Variants in GLRA3 observed in about 807,000 individuals in gnomAD.
The protein encoded by GLRA3 is glycine receptor alpha 3.
A neutral mutation model predicts 60.4 loss-of-function variants in GLRA3; 44 were observed. The observed-to-expected ratio is 0.73, with a 90% CI of 0.57 to 0.94. The LOEUF is 0.94. Ranked by LOEUF, GLRA3 falls within the 40% of genes least tolerant of loss-of-function variation. The pLI is 0.00. For synonymous variants in GLRA3, 223 were observed against 192.9 expected (o/e 1.16, Z -1.29); for missense variants, 508 against 564.6 (o/e 0.90, Z 1.02).
chr4:174,681,038 C>A (rs1407971627), intron 6 of GLRA3, among the ~76,000 whole-genome samples: 1 of 152,106 alleles, frequency 6.6e-6, no homozygotes, highest in Non-Finnish European at 1.5e-5. Flanking sequence ...CTATGAGATG[C>A]TTTTATTCTC....
chr4:174,643,629 A>C lies in GLRA3; in HGVS notation c.*157T>G. On this transcript the variant is annotated 3_prime_UTR_variant, in exon 10 of 10. Coordinates refer to ENST00000274093, the MANE Select transcript of GLRA3 (RefSeq NM_006529.4). ...TTAAAAGAATCTCATCTTTCTCATG[A>C]CTTTGCATAGCTAACCAAAATACAA... The C allele has an allele frequency of 7.2e-7, 1 of 1,388,236 alleles. No individual in the cohort carries two copies. Among genetic ancestry groups the C allele is most frequent in the Non-Finnish European group, 9.4e-7 (1 of 1,069,178 alleles). 86.0% of individuals were successfully genotyped at this position (1,388,236 alleles called of 1,614,324 possible).
At position 174,800,156 on chromosome 4, in the gene GLRA3, T is replaced by C. The variant is rs72708267; in HGVS notation, c.72-11213A>G. Reference sequence around the variant, plus strand: ...GGAAAGCAAACCAGAAGAAAATGTATAGAAGGCAGTATGGAAAGTTGATAA... The same window carrying C: ...GGAAAGCAAACCAGAAGAAAATGTACAGAAGGCAGTATGGAAAGTTGATAA... On this transcript the variant is annotated intron_variant, in intron 1 of 9. Coordinates refer to ENST00000274093, the MANE Select transcript of GLRA3 (RefSeq NM_006529.4). Among the ~76,000 whole-genome samples, 1,262 of 152,084 alleles carry C rather than the reference T, an allele frequency of 8.3e-3. 9 individuals are homozygous for C. The highest frequency in any genetic ancestry group is 0.015 in the Non-Finnish European group (985 of 67,926).
intron 1 of GLRA3, among the ~76,000 whole-genome samples, chr4:174,796,014 T>C (rs1221507115): frequency 6.6e-6 from 1 of 152,196 alleles, no homozygotes; most frequent in Non-Finnish European, 1.5e-5. Flanking sequence ...ATGGTCTCAA[T>C]GTCATATGGT....
At chr4:174,656,343 C>A (rs1255760629) in intron 9 of GLRA3, among the ~76,000 whole-genome samples, 1 of 152,102 alleles carries the variant, frequency 6.6e-6, no homozygotes, top group East Asian at 1.9e-4. Context: ...GTCTCTTGTG[C>A]AGTTGCTTTT....
chr4:174,660,033 T>C (rs527621988), intron 7 of GLRA3, among the ~76,000 whole-genome samples: 5 of 151,940 alleles, frequency 3.3e-5, no homozygotes, highest in East Asian at 3.9e-4. Context: ...TTTAACTACA[T>C]TTATTGTTGT....
At chr4:174,707,426 C>T (rs1343677598) in intron 5 of GLRA3, among the ~76,000 whole-genome samples, 1 of 152,078 alleles carries the variant, frequency 6.6e-6, no homozygotes, top group Non-Finnish European at 1.5e-5. Flanking sequence ...ACTCAGATGA[C>T]TGTAGATGTG....
chr4:174,809,763 A>G (rs1381123753), intron 1 of GLRA3, among the ~76,000 whole-genome samples: 1 of 152,124 alleles, frequency 6.6e-6, no homozygotes, highest in Non-Finnish European at 1.5e-5. Context: ...TAAAATAAAA[A>G]TGATTGCTTT....
At position 174,708,642 on chromosome 4, in the gene GLRA3, C is replaced by T. The variant is rs1332661594; in HGVS notation, c.574+6846G>A. On this transcript the variant is annotated intron_variant, in intron 5 of 9. Coordinates refer to ENST00000274093, the MANE Select transcript of GLRA3 (RefSeq NM_006529.4). ...GAGATGGAGTTTCGCTCTTGTTGCCCGGGCTGCAGTGCAATACATTCCTCT... is the reference window on the plus strand; with the variant it reads ...GAGATGGAGTTTCGCTCTTGTTGCCTGGGCTGCAGTGCAATACATTCCTCT... Among the ~76,000 whole-genome samples the T allele has an allele frequency of 1.5e-4, 22 of 147,936 alleles. 1 individual carries two copies. Among genetic ancestry groups the T allele is most frequent in the Non-Finnish European group, 2.5e-4 (17 of 67,092 alleles).
Position 174,659,048 on chromosome 4 carries a change from A to C in GLRA3, c.1071+6T>G. 1 of 1,610,552 alleles carries C rather than the reference A, an allele frequency of 6.2e-7. No individual in the cohort carries two copies. Among genetic ancestry groups the C allele is most frequent in the Non-Finnish European group, 8.5e-7 (1 of 1,177,560 alleles). ...TCTGCCAAACCCAATACGTTTAATCACTTACCTTATTCTTTCTCTTTCGTC... is the reference window on the plus strand; with the variant it reads ...TCTGCCAAACCCAATACGTTTAATCCCTTACCTTATTCTTTCTCTTTCGTC... On this transcript the variant is annotated splice_donor_region_variant and intron_variant, in intron 8 of 9. Coordinates refer to ENST00000274093, the MANE Select transcript of GLRA3 (RefSeq NM_006529.4).
intron 3 of GLRA3, among the ~76,000 whole-genome samples, chr4:174,752,811 T>C (rs1270017418): frequency 6.6e-6 from 1 of 152,176 alleles, no homozygotes; most frequent in African/African-American, 2.4e-5. Context: ...TTGTTAATTA[T>C]ACCTCTTAAT....
chr4:174,761,214 G>T (rs1172725768), intron 3 of GLRA3, among the ~76,000 whole-genome samples: 2 of 151,826 alleles, frequency 1.3e-5, no homozygotes, highest in Non-Finnish European at 2.9e-5. Context: ...GTAGTTTAAA[G>T]ATTCCCTTAA....
intron 5 of GLRA3, among the ~76,000 whole-genome samples, chr4:174,684,351 G>A (rs948987840): frequency 2.6e-5 from 4 of 152,014 alleles, no homozygotes; most frequent in Non-Finnish European, 5.9e-5. Context: ...ATGCCTCCTT[G>A]ATTTAATCAT....
At chr4:174,750,952 TAAG>T (rs1737449709) in intron 3 of GLRA3, among the ~76,000 whole-genome samples, 1 of 152,028 alleles carries the variant, frequency 6.6e-6, no homozygotes, top group South Asian at 2.1e-4. Flanking sequence ...AGACAAAACT[TAAG>T]AATGTCTCAT....
Position 174,668,122 on chromosome 4 carries a change from C to A in GLRA3, c.928-8925G>T, listed in dbSNP as rs79507950. Among the ~76,000 whole-genome samples, 1,451 of 152,224 alleles carry A rather than the reference C, an allele frequency of 9.5e-3. 17 individuals are homozygous for A. The highest frequency in any genetic ancestry group is 0.056 in the South Asian group (269 of 4,826). On this transcript the variant is annotated intron_variant, in intron 7 of 9. Transcript: ENST00000274093. The stretch of plus-strand genomic sequence containing the variant: ...CCAGCCATGTAAGAAGTGCTTACTT[C>A]CCCTTCACCTTCCACTATGATTGTA...
At chr4:174,760,148 C>A (rs1737881632) in intron 3 of GLRA3, among the ~76,000 whole-genome samples, 1 of 152,008 alleles carries the variant, frequency 6.6e-6, no homozygotes, top group South Asian at 2.1e-4. Flanking sequence ...AAACAAGCAA[C>A]CTTAAATGGA....
chr4:174,826,750 CTTTT>C (rs1740985866), intron 1 of GLRA3, among the ~76,000 whole-genome samples: 1 of 151,932 alleles, frequency 6.6e-6, no homozygotes, highest in South Asian at 2.1e-4. Context: ...CCAATACTTT[CTTTT>C]GTTTTCATCT....
At chr4:174,728,884 T>C (rs1180216600) in intron 3 of GLRA3, among the ~76,000 whole-genome samples, 186 bp from the exon 4 acceptor site, 1 of 152,186 alleles carries the variant, frequency 6.6e-6, no homozygotes, top group African/African-American at 2.4e-5. Context: ...TGGAAATCTC[T>C]GTACCTTCTT....
intron 3 of GLRA3, among the ~76,000 whole-genome samples, chr4:174,737,335 T>TA (rs1403135756): frequency 7.9e-5 from 12 of 152,318 alleles, no homozygotes; most frequent in Admixed American, 7.8e-4. Flanking sequence ...TATTAACACG[T>TA]AGTAGCTTGG....
intron 2 of GLRA3, among the ~76,000 whole-genome samples, chr4:174,771,571 T>C (rs553721166): frequency 2.0e-5 from 3 of 152,232 alleles, no homozygotes; most frequent in Admixed American, 1.3e-4. Context: ...ACATCAGTAT[T>C]GGGTTAATTC....
Sources: gnomAD v4.1 joint callset for allele counts (sites outside exome capture counted in the v4.1 genomes callset) on GRCh38, gnomAD v4.1.1 for gene constraint, MANE v1.5 for transcripts, NCBI Gene and HGNC (gene_info 2026-07-23, HGNC 2026-07-21) for gene names.